Variants in SIGLEC11 observed in about 807,000 individuals in gnomAD.
SIGLEC11 encodes sialic acid binding Ig like lectin 11, also known as sialic acid-binding Ig-like lectin 11.
Under a neutral mutation model 61.2 loss-of-function variants are expected in SIGLEC11, and 47 were observed. The ratio of observed to expected loss-of-function variants is 0.77; its 90% confidence interval spans 0.61 to 0.98. The LOEUF is 0.98. SIGLEC11 is among the 50% of genes least tolerant of loss of function. SIGLEC11 has a pLI of 0.00. For missense variants in SIGLEC11, 610 were observed against 870.3 expected (o/e 0.70, Z 3.76); for synonymous variants, 278 against 373.1 (o/e 0.75, Z 2.94).
In SIGLEC11 at chr19:49,959,260, G is replaced by A. The variant is rs538925742; in HGVS notation, c.1057+100C>T. On this transcript the variant is annotated intron_variant, in intron 5 of 10. Coordinates refer to ENST00000447370, the MANE Select transcript of SIGLEC11 (RefSeq NM_052884.3). ...ACAGGTAAGAAGGTCAGTCCCCGAG[G>A]CCTGGGGTTCAAGACCCCCTCAGCT... 8.4e-6 allele frequency: 13 copies of A among 1,547,690 alleles called. No homozygotes were observed. The Admixed American group carries it at 1.1e-4, about 13-fold the overall frequency.
At chr19:49,957,113 A>G (rs1186835878) in intron 8 of SIGLEC11, among the ~76,000 whole-genome samples, 1 of 152,012 alleles carries the variant, frequency 6.6e-6, no homozygotes, top group Non-Finnish European at 1.5e-5. Flanking sequence ...GTTGCCGAAT[A>G]CTCCCTTGTC....
At position 49,949,317 on chromosome 19, in the gene SIGLEC11, C is replaced by T. The variant is rs2076142794; in HGVS notation, c.*653G>A. On this transcript the variant is annotated 3_prime_UTR_variant, in exon 11 of 11. Transcript: ENST00000447370. ...TTTTTTTTAAATGTTCAAATGGGAA[C>T]CACTTGGACTTGGTCCTCTCACTCT... The T allele has an allele frequency of 6.6e-6, 1 of 151,086 alleles. No individual in the cohort carries two copies. The highest frequency in any genetic ancestry group is 2.1e-4 in the South Asian group (1 of 4,770). The allele number at this position is 151,086 out of a possible 1,614,324, so 9.4% of individuals were successfully genotyped here.
chr19:49,951,068 G>A lies in SIGLEC11; in HGVS notation c.1830+823C>T, dbSNP rs371451080. Among the ~76,000 whole-genome samples the A allele has an allele frequency of 3.3e-5, 5 of 152,292 alleles. No homozygotes were observed. The East Asian group carries it at 9.6e-4, about 29-fold the overall frequency. On this transcript the variant is annotated intron_variant, in intron 10 of 10. Transcript: ENST00000447370. The surrounding 1 kb of genome is among the most constrained non-coding windows in gnomAD (Gnocchi z 4.6). ...CTGGGACCACAAGCCAGGCCACATA[G>A]TTTACGCCAGCACTGGGACTTACGG...
chr19:49,954,924 G>C (rs143175479), intron 8 of SIGLEC11, among the ~76,000 whole-genome samples: 1 of 152,282 alleles, frequency 6.6e-6, no homozygotes, highest in African/African-American at 2.4e-5. Flanking sequence ...AAAGCTGGTG[G>C]AAAGAAAGCA....
At chr19:49,950,624 C>A (rs775098753) in intron 10 of SIGLEC11, among the ~76,000 whole-genome samples, 3 of 152,142 alleles carry the variant, frequency 2.0e-5, no homozygotes, top group Non-Finnish European at 4.4e-5. Flanking sequence ...TTCTCTGACT[C>A]CAGTGCCCGC....
rs1600622094 is a variant in SIGLEC11, at chr19:49,960,325, C to T, written c.557G>A (p.Cys186Tyr). 24 of 1,603,520 alleles carry T rather than the reference C, an allele frequency of 1.5e-5. No individual in the cohort carries two copies. In the East Asian group the frequency reaches 5.1e-4, roughly 34 times the overall value. ...CGTCCAGGAGAAAGAAGGGGCTGGA[C>T]ATTTCTTGAAAGCCCAGTTAAACAC... ...ICVFNWAFKK[C>Y]PAPSFSWTGA... The change falls in exon 3 of 11, where the codon TGT becomes TAT. Residue 186 changes from cysteine (C) to tyrosine (Y), a missense_variant. Physicochemically the swap from Cys to Tyr is radical, Grantham distance 194 (BLOSUM62 -2). This residue lies in a region of SIGLEC11 where 12 missense variants were observed against 33.2 expected (regional missense o/e 0.36). Coordinates refer to ENST00000447370, the MANE Select transcript of SIGLEC11 (RefSeq NM_052884.3).
At chr19:49,953,417 A>G (rs1418440894) in intron 8 of SIGLEC11, among the ~76,000 whole-genome samples, 1 of 151,934 alleles carries the variant, frequency 6.6e-6, no homozygotes, top group African/African-American at 2.4e-5. Context: ...TGAAACTCAC[A>G]CCCCAACCAT....
At position 49,958,424 on chromosome 19, in the gene SIGLEC11, C is replaced by G. The variant is rs759718197; in HGVS notation, c.1510G>C (p.Glu504Gln). The change falls in exon 8 of 11, where the codon GAG (glutamate) becomes CAG (glutamine). Residue 504 changes from glutamate (E) to glutamine (Q), a missense_variant. This residue lies in a region of SIGLEC11 where 432 missense variants were observed against 441.5 expected (regional missense o/e 0.98). Transcript: ENST00000447370. ...GGCCCGGCTGAGCTGGGGGTGACCT[C>G]GAAGGAGCCCTGACTGCTGTTCCCC... ...LEGNSSQGSF[E>Q]VTPSSAGPWA... 1.2e-6 allele frequency: 2 copies of G among 1,613,978 alleles called. No homozygotes were observed. Among genetic ancestry groups the G allele is most frequent in the South Asian group, 1.1e-5 (1 of 91,074 alleles).
Position 49,950,114 on chromosome 19 carries a change from GC to G in SIGLEC11, c.1952del (p.Gly651AlafsTer2), listed in dbSNP as rs1568742483. The G allele has an allele frequency of 6.2e-7, 1 of 1,613,144 alleles. No individual in the cohort carries two copies. The highest frequency in any genetic ancestry group is 1.1e-5 in the South Asian group (1 of 90,972). On this transcript the variant is annotated frameshift_variant, in exon 11 of 11. Transcript: ENST00000447370. LOFTEE classifies it low-confidence loss of function (END_TRUNC). The stretch of plus-strand genomic sequence containing the variant: ...GGTCCGCAGGCTCCCAGAGCCTCAG[GC>G]CCTGGAAGCTGAGGGAGGCATAGTG... Reference protein sequence around the residue: ...ELHYASLSFQGLRLWEPADQE... With the variant: ...ELHYASLSFQXLRLWEPADQE...
At position 49,949,734 on chromosome 19, in the gene SIGLEC11, T is replaced by A. The variant is rs1045528241; in HGVS notation, c.*236A>T. ...GCTCACAATTGTAGTCCCAGCTACT[T>A]GGGAGGCTGAAATGGGAGGCTCACT... On this transcript the variant is annotated 3_prime_UTR_variant, in exon 11 of 11. Coordinates refer to ENST00000447370, the MANE Select transcript of SIGLEC11 (RefSeq NM_052884.3). The A allele has an allele frequency of 8.8e-6, 3 of 339,566 alleles. No homozygotes were observed. Among genetic ancestry groups the A allele is most frequent in the Non-Finnish European group, 1.6e-5 (3 of 189,888 alleles). 21.0% of individuals were successfully genotyped at this position (339,566 alleles called of 1,614,324 possible).
At position 49,955,314 on chromosome 19, in the gene SIGLEC11, CAAAA is replaced by C; in HGVS notation, c.1652-2924_1652-2921del. Among the ~76,000 whole-genome samples the C allele has an allele frequency of 2.0e-5, 2 of 102,528 alleles. 1 individual carries two copies. The highest frequency in any genetic ancestry group is 8.1e-5 in the African/African-American group (2 of 24,750). 67.3% of individuals were successfully genotyped at this position (102,528 alleles called of 152,430 possible). A position where few individuals can be genotyped will look rare whatever the true frequency, so the allele number is the denominator to read the frequency against. On this transcript the variant is annotated intron_variant, in intron 8 of 10. Coordinates refer to ENST00000447370, the MANE Select transcript of SIGLEC11 (RefSeq NM_052884.3). This position sits in a 1 kb window ranked among gnomAD's most constrained non-coding sequence, Gnocchi z 4.5. ...CGGGGACTGGCCCCAGAAAAAAAGC[CAAAA>C]AAAAAAAAAAAAAGAAAGGCATAAT...
chr19:49,958,535 C>G lies in SIGLEC11; in HGVS notation c.1399G>C (p.Glu467Gln), dbSNP rs575317749. The change falls in exon 8 of 11, where the codon GAG becomes CAG. Residue 467 changes from glutamate (E) to glutamine (Q), a missense_variant. Coordinates refer to ENST00000447370, the MANE Select transcript of SIGLEC11 (RefSeq NM_052884.3). ...CAGCTGCAGTGCAGACCCTCAGCCTCCCAGGAGCAGGAGGGGCCCAGCAGC... is the reference window on the plus strand; with the variant it reads ...CAGCTGCAGTGCAGACCCTCAGCCTGCCAGGAGCAGGAGGGGCCCAGCAGC... ...PQLLGPSCSW[E>Q]AEGLHCSCSS... is the part of the protein sequence containing the mutation. 6.3e-7 allele frequency: 1 copy of G among 1,590,206 alleles called. No homozygotes were observed. The highest frequency in any genetic ancestry group is 1.4e-5 in the African/African-American group (1 of 74,046).
intron 5 of SIGLEC11, 121 bp downstream of exon 5, chr19:49,959,239 G>C (rs1261058152): frequency 2.9e-5 from 43 of 1,498,532 alleles, no homozygotes; most frequent in Non-Finnish European, 3.9e-5. Context: ...GTCTACACAG[G>C]TAAGAAGGTC....
At position 49,951,028 on chromosome 19, in the gene SIGLEC11, A is replaced by T. The variant is rs1384838152; in HGVS notation, c.1831-792T>A. On this transcript the variant is annotated intron_variant, in intron 10 of 10. Coordinates refer to ENST00000447370, the MANE Select transcript of SIGLEC11 (RefSeq NM_052884.3). The surrounding 1 kb of genome is among the most constrained non-coding windows in gnomAD (Gnocchi z 4.6). ...GGCCTTGGAATATCCTGCTGGTAGG[A>T]GCATCCCTGTTGACCTGGGACCACA... Among the ~76,000 whole-genome samples, 5 of 152,158 alleles carry T rather than the reference A, an allele frequency of 3.3e-5. No homozygotes were observed. Among genetic ancestry groups the T allele is most frequent in the African/African-American group, 1.2e-4 (5 of 41,442 alleles).
chr19:49,958,605 C>G (rs2076216270), intron 7 of SIGLEC11, 35 bp from the exon 8 acceptor site: 1 of 1,566,142 alleles, frequency 6.4e-7, no homozygotes, highest in East Asian at 2.2e-5. Flanking sequence ...AGCAGGGGCC[C>G]CTTCCTGGGA....
chr19:49,953,285 T>C (rs1009339846), intron 8 of SIGLEC11, among the ~76,000 whole-genome samples: 1 of 152,118 alleles, frequency 6.6e-6, no homozygotes, highest in African/African-American at 2.4e-5. Context: ...CAGTAACCTT[T>C]TGGGGACCAA....
At chr19:49,950,813 G>A (rs1475476834) in intron 10 of SIGLEC11, among the ~76,000 whole-genome samples, 1 of 152,218 alleles carries the variant, frequency 6.6e-6, no homozygotes, top group Non-Finnish European at 1.5e-5. Context: ...GAAGGAGGAG[G>A]TGTGAGAAAG....
chr19:49,960,685 G>C lies in SIGLEC11; in HGVS notation c.327C>G (p.Pro109=), dbSNP rs147865552. 1,447 of 1,610,330 alleles carry C rather than the reference G, an allele frequency of 9.0e-4. No homozygotes were observed. In the African/African-American group the frequency reaches 0.018, roughly 20 times the overall value. The part of the protein sequence containing the change: ...TRDRFQLTGD[P]GKGSCSLVIR... ...TCACCAAGGAGCAGCTCCCTTTGCC[G>C]GGATCCCCAGTGAGCTGGAATCGGT... The change falls in exon 2 of 11, where the codon CCC becomes CCG. Residue 109 remains proline, a synonymous_variant. Coordinates refer to ENST00000447370, the MANE Select transcript of SIGLEC11 (RefSeq NM_052884.3).
Position 49,949,891 on chromosome 19 carries a change from A to G in SIGLEC11, c.*79T>C. The G allele has an allele frequency of 7.7e-7, 1 of 1,306,500 alleles. No homozygotes were observed. Among genetic ancestry groups the G allele is most frequent in the Non-Finnish European group, 9.9e-7 (1 of 1,014,826 alleles). The allele number at this position is 1,306,500 out of a possible 1,614,324, so 80.9% of individuals were successfully genotyped here. On this transcript the variant is annotated 3_prime_UTR_variant, in exon 11 of 11. Coordinates refer to ENST00000447370, the MANE Select transcript of SIGLEC11 (RefSeq NM_052884.3). Reference sequence around the variant, plus strand: ...AAGCTCTTCATTGGGGATGGGGCTGAAATCTGAGTCCAGTTCTGGCCGTCA... The same window carrying G: ...AAGCTCTTCATTGGGGATGGGGCTGGAATCTGAGTCCAGTTCTGGCCGTCA...
Sources: gnomAD v4.1 joint callset for allele counts (sites outside exome capture counted in the v4.1 genomes callset) on GRCh38, gnomAD v4.1.1 for gene constraint, gnomAD v4.1.1 regional missense constraint, Gnocchi (gnomAD v3.1) non-coding constraint, MANE v1.5 for transcripts, NCBI Gene and HGNC (gene_info 2026-07-23, HGNC 2026-07-21) for gene names.